CASP8: variants seen among roughly 807,000 people sequenced by gnomAD.
CASP8 encodes the protein caspase-8.
Under a neutral mutation model 46.3 loss-of-function variants are expected in CASP8, and 24 were observed. The ratio of observed to expected loss-of-function variants is 0.52; its 90% confidence interval spans 0.38 to 0.73. The LOEUF is 0.73. Among genes scored for constraint, CASP8 ranks in the 30% least tolerant of loss-of-function variants. CASP8 has a pLI of 0.00. For missense variants in CASP8, 460 were observed against 559.0 expected (o/e 0.82, Z 1.79); for synonymous variants, 188 against 200.4 (o/e 0.94, Z 0.52).
chr2:201,246,240 G>A (rs527357811), intron 2 of CASP8, among the ~76,000 whole-genome samples: 2 of 152,236 alleles, frequency 1.3e-5, no homozygotes, highest in South Asian at 4.2e-4. Context: ...GCATGTGTGG[G>A]AATAAAAAGA....
chr2:201,259,044 GCCTCCAGA>G (rs1434943448), upstream of CASP8, among the ~76,000 whole-genome samples: 2 of 152,132 alleles, frequency 1.3e-5, no homozygotes, highest in Admixed American at 6.5e-5. Flanking sequence ...GATTAATAAT[GCCTCCAGA>G]GGTGACTGTG....
At chr2:201,269,884 A>G (rs1004587966) in intron 2 of CASP8, among the ~76,000 whole-genome samples, 1 of 152,228 alleles carries the variant, frequency 6.6e-6, no homozygotes, top group African/African-American at 2.4e-5. Context: ...GCAAAAGGGT[A>G]AATACCTTGT....
chr2:201,269,642 A>G, intron 2 of CASP8: 1 of 1,463,522 alleles, frequency 6.8e-7, no homozygotes, highest in Non-Finnish European at 9.5e-7. Flanking sequence ...GTATTGGCTT[A>G]GAGATAAAAG....
rs1300884556 is a variant in CASP8 at position 201,283,119 on chromosome 2, C to T, written c.803-1697C>T. On this transcript the variant is annotated intron_variant, in intron 7 of 8. Coordinates refer to ENST00000673742, the MANE Select transcript of CASP8 (RefSeq NM_001372051.1). Reference sequence around the variant, plus strand: ...CTGACCCCCCCACCTCCCTCCTGGGCGGGGCGGCTGGCCGGGCAGAGGGGC... The same window carrying T: ...CTGACCCCCCCACCTCCCTCCTGGGTGGGGCGGCTGGCCGGGCAGAGGGGC... 2.6e-3 allele frequency among the ~76,000 whole-genome samples: 139 copies of T among 54,272 alleles called. 4 individuals are homozygous for T. Among genetic ancestry groups the T allele is most frequent in the African/African-American group, 4.4e-3 (70 of 15,734 alleles). 35.6% of individuals were successfully genotyped at this position (54,272 alleles called of 152,430 possible). A position where few individuals can be genotyped will look rare whatever the true frequency, so the allele number is the denominator to read the frequency against.
intron 2 of CASP8, among the ~76,000 whole-genome samples, chr2:201,247,936 G>A (rs749142839): frequency 4.6e-5 from 7 of 152,090 alleles, no homozygotes; most frequent in South Asian, 2.1e-4. Context: ...GAGCCACTGC[G>A]CCCGGCCAAC....
chr2:201,274,853 T>C (rs755533786), intron 5 of CASP8, 36 bp from the exon 6 acceptor site: 2 of 1,496,184 alleles, frequency 1.3e-6, no homozygotes, highest in South Asian at 2.3e-5. Context: ...TTTCCTGCCA[T>C]GTCTCATTCT....
chr2:201,286,370 T>A, intron 8 of CASP8, 89 bp from the exon 9 acceptor site: 1 of 1,497,154 alleles, frequency 6.7e-7, no homozygotes, highest in South Asian at 1.1e-5. Flanking sequence ...GAGAAAGAAC[T>A]ACAGAACTAT....
chr2:201,247,629 C>A (rs1946589679), intron 2 of CASP8, among the ~76,000 whole-genome samples: 1 of 150,416 alleles, frequency 6.6e-6, no homozygotes, highest in African/African-American at 2.5e-5. Flanking sequence ...CAAGCGTGTG[C>A]CACCATTCCT....
At position 201,247,500 on chromosome 2, in the gene CASP8, T is replaced by C. The variant is rs1362210562; in HGVS notation, c.-27+13388T>C. Among the ~76,000 whole-genome samples, 165 of 138,660 alleles carry C rather than the reference T, an allele frequency of 1.2e-3. 1 individual carries two copies. In the East Asian group the frequency reaches 0.014, roughly 12 times the overall value. The allele number at this position is 138,660 out of a possible 152,430, so 91.0% of individuals were successfully genotyped here. A position where few individuals can be genotyped will look rare whatever the true frequency, so the allele number is the denominator to read the frequency against. ...CACAACCTATTTTTTTTTTTTTTTT[T>C]CCTGAAACAGAGCCTCACTCTGTTG... On this transcript the variant is annotated intron_variant, in intron 2 of 6. Coordinates refer to the CASP8 transcript ENST00000264274.
intron 8 of CASP8, 43 bp downstream of exon 8, chr2:201,285,360 T>C: frequency 6.2e-7 from 1 of 1,605,056 alleles, no homozygotes; most frequent in Non-Finnish European, 8.5e-7. Flanking sequence ...TACACTACCT[T>C]CCCCCCCTAC....
intron 2 of CASP8, among the ~76,000 whole-genome samples, chr2:201,250,216 G>A (rs551098751): frequency 6.6e-6 from 1 of 152,204 alleles, no homozygotes; most frequent in Non-Finnish European, 1.5e-5. Context: ...TCTCACCTGA[G>A]GGTCTTATGA....
intron 2 of CASP8, among the ~76,000 whole-genome samples, chr2:201,268,909 T>TTGTGTGTGTGTGTGTGTG (rs58087434): frequency 1.5e-5 from 2 of 131,534 alleles, no homozygotes; most frequent in Non-Finnish European, 3.2e-5. Flanking sequence ...GGCCTCATCT[T>TTGTGTGTGTGTGTGTGTG]TGTGTGTGTG....
Position 201,286,812 on chromosome 2 carries a change from G to C in CASP8, c.*218G>C. 2.2e-6 allele frequency: 1 copy of C among 444,532 alleles called. No homozygotes were observed. Among genetic ancestry groups the C allele is most frequent in the Non-Finnish European group, 4.2e-6 (1 of 239,474 alleles). The allele number at this position is 444,532 out of a possible 1,614,324, so 27.5% of individuals were successfully genotyped here. ...TTAAAAATATTTTTAGTAGAGACAG[G>C]GTTTCACTGTGTTAGCCAGGGTGGT... is the stretch of plus-strand genomic sequence containing the variant. On this transcript the variant is annotated 3_prime_UTR_variant, in exon 9 of 9. Transcript: ENST00000673742.
intron 1 of CASP8, among the ~76,000 whole-genome samples, chr2:201,265,630 C>T (rs1411132711): frequency 6.6e-6 from 1 of 152,030 alleles, no homozygotes; most frequent in Non-Finnish European, 1.5e-5. Context: ...TTCTTAGCTC[C>T]TCATCACCTC....
At position 201,286,532 on chromosome 2, in the gene CASP8, G is replaced by C. The variant is rs1345153934; in HGVS notation, c.1378G>C (p.Gly460Arg). Residue 460 changes from glycine (G) to arginine (R), a missense_variant, in exon 9 of 9, where the codon GGG becomes CGG. Transcript: ENST00000673742. ...CAACAAGGATGACAAGAAAAACATG[G>C]GGAAACAGATGCCTCAGCCTACTTT... ...VSNKDDKKNM[G>R]KQMPQPTFTL... is the part of the protein sequence containing the mutation. The C allele has an allele frequency of 6.2e-7, 1 of 1,613,968 alleles. No individual in the cohort carries two copies. Among genetic ancestry groups the C allele is most frequent in the Non-Finnish European group, 8.5e-7 (1 of 1,179,872 alleles).
upstream of CASP8, chr2:201,258,265 G>A: frequency 6.2e-7 from 1 of 1,606,920 alleles, no homozygotes; most frequent in Non-Finnish European, 8.5e-7. Flanking sequence ...GGTGGTTATT[G>A]AAAGTAAAAG....
intron 1 of CASP8, among the ~76,000 whole-genome samples, chr2:201,265,851 G>T (rs1480668330): frequency 4.6e-5 from 7 of 151,984 alleles, no homozygotes; most frequent in Non-Finnish European, 8.8e-5. Context: ...GTGCTTTCTC[G>T]CATTCTCCCC....
chr2:201,242,096 T>C (rs972525263), intron 2 of CASP8: 4 of 152,210 alleles, frequency 2.6e-5, no homozygotes, highest in Admixed American at 2.6e-4. Context: ...TTGAGTATTA[T>C]ATTAGATGTG....
chr2:201,241,428 T>C (rs1017536966), intron 2 of CASP8: 1 of 152,180 alleles, frequency 6.6e-6, no homozygotes, highest in African/African-American at 2.4e-5. Flanking sequence ...ACAATTCTAT[T>C]CCAACAAACT....
Sources: allele counts gnomAD v4.1 joint callset (sites outside exome capture counted in the v4.1 genomes callset), GRCh38; gene constraint gnomAD v4.1.1; transcripts MANE v1.5; gene names NCBI Gene and HGNC (gene_info 2026-07-23, HGNC 2026-07-21).